Variants in SLC8B1 observed in about 807,000 individuals in gnomAD.
SLC8B1 encodes the protein mitochondrial sodium/calcium exchanger protein.
In SLC8B1, 52 loss-of-function variants were observed where a neutral mutation model predicts 63.4. That is an observed-to-expected ratio of 0.82 (90% CI 0.66 to 1.03). The LOEUF is 1.03. SLC8B1 is among the 50% of genes least tolerant of loss of function. The probability of loss-of-function intolerance (pLI) is 0.00; values close to 1 mark genes in which losing one functional copy is unlikely to be tolerated. For synonymous variants in SLC8B1, 336 were observed against 323.9 expected, an observed-to-expected ratio of 1.04 and a Z score of -0.40; for missense variants, 657 against 741.7, an observed-to-expected ratio of 0.89 and a Z score of 1.33.
intron 2 of SLC8B1, among the ~76,000 whole-genome samples, chr12:113,324,698 C>T (rs1369448623): frequency 2.7e-5 from 4 of 150,536 alleles, no homozygotes; most frequent in East Asian, 2.0e-4. Flanking sequence ...TGAGCCACTG[C>T]GCCCAGCCCC....
rs377404162 is a variant in SLC8B1 at position 113,312,199 on chromosome 12, T to C, written c.1136-1844A>G. On this transcript the variant is annotated intron_variant, in intron 11 of 15. Transcript: ENST00000680972. ...CTATAATCCCAGCACTTTGGGAGGC[T>C]GAGGCAGGAGGATCGCCTGAGGTCA... Among the ~76,000 whole-genome samples the C allele has an allele frequency of 5.3e-3, 802 of 152,160 alleles. 9 individuals carry two copies. The highest frequency in any genetic ancestry group is 0.018 in the African/African-American group (761 of 41,518).
chr12:113,320,153 G>T lies in SLC8B1; in HGVS notation c.694+178C>A. On this transcript the variant is annotated intron_variant, in intron 7 of 15. Coordinates refer to ENST00000680972, the MANE Select transcript of SLC8B1 (RefSeq NM_001358345.2). The surrounding 1 kb of genome is among the most constrained non-coding windows in gnomAD (Gnocchi z 5.3). ...GCCCCCAGCTCTGCCAGGCCTCTTT[G>T]GTTATGTGACCCACATGTTCCCATT... 1 of 721,798 alleles carries T rather than the reference G, an allele frequency of 1.4e-6. No individual in the cohort carries two copies. Among genetic ancestry groups the T allele is most frequent in the Non-Finnish European group, 2.2e-6 (1 of 445,724 alleles). 44.7% of individuals were successfully genotyped at this position (721,798 alleles called of 1,614,324 possible). A position where few individuals can be genotyped will look rare whatever the true frequency, so the allele number is the denominator to read the frequency against.
intron 7 of SLC8B1, 192 bp from the exon 8 acceptor site, chr12:113,319,263 CT>C: frequency 1.8e-6 from 1 of 557,906 alleles, no homozygotes; most frequent in Non-Finnish European, 3.3e-6. Flanking sequence ...ATCTCCCTTC[CT>C]GTCTCCCTTG....
intron 2 of SLC8B1, among the ~76,000 whole-genome samples, chr12:113,326,347 TTTC>T (rs1398919525): frequency 1.3e-5 from 2 of 152,158 alleles, no homozygotes; most frequent in African/African-American, 4.8e-5. Flanking sequence ...CTATTCTTTC[TTTC>T]TTTTCTTTTT....
intron 13 of SLC8B1, 82 bp from the exon 14 acceptor site, chr12:113,306,657 C>T (rs576265231): frequency 1.2e-5 from 14 of 1,184,686 alleles, no homozygotes; most frequent in South Asian, 5.1e-5. Flanking sequence ...TTCTCACCCA[C>T]GGTCATTCAG....
chr12:113,315,197 G>T, intron 11 of SLC8B1, 138 bp downstream of exon 11: 1 of 867,326 alleles, frequency 1.2e-6, no homozygotes, highest in Non-Finnish European at 1.6e-6. Context: ...TAGATGGGAT[G>T]ATTGCTTGAA....
intron 8 of SLC8B1, 92 bp downstream of exon 8, chr12:113,318,872 A>G (rs1310979582): frequency 7.5e-6 from 7 of 930,438 alleles, no homozygotes; most frequent in Non-Finnish European, 1.2e-5. Context: ...CTTGGTGGGG[A>G]CAATGGCCTC....
intron 2 of SLC8B1, 118 bp from the exon 3 acceptor site, chr12:113,321,466 C>T (rs958103688): frequency 3.9e-5 from 50 of 1,280,168 alleles, no homozygotes; most frequent in Non-Finnish European, 5.5e-5. Flanking sequence ...GCCACCATAC[C>T]CTCTGGGTGC....
At chr12:113,329,144 G>A (rs138951792) in intron 2 of SLC8B1, among the ~76,000 whole-genome samples, 3 of 152,274 alleles carry the variant, frequency 2.0e-5, no homozygotes, top group South Asian at 2.1e-4. Flanking sequence ...GCTGCACACC[G>A]TGCTGGGCAT....
chr12:113,303,141 A>ACACACACACGCG (rs773636454), intron 15 of SLC8B1, among the ~76,000 whole-genome samples: 184 of 145,744 alleles, frequency 1.3e-3, no homozygotes, highest in African/African-American at 3.0e-3. Flanking sequence ...ACACACACAC[A>ACACACACACGCG]CGCGCGCGCA....
chr12:113,327,707 G>A (rs1203218064), intron 2 of SLC8B1, among the ~76,000 whole-genome samples: 2 of 151,324 alleles, frequency 1.3e-5, no homozygotes, highest in Non-Finnish European at 2.9e-5. Context: ...AATAGGCTGG[G>A]CGCGGTGGGT....
chr12:113,321,467 C>CAGAGGG, intron 2 of SLC8B1, 119 bp from the exon 3 acceptor site: 3 of 1,284,036 alleles, frequency 2.3e-6, no homozygotes, highest in Non-Finnish European at 2.2e-6. Context: ...CCACCATACC[C>CAGAGGG]TCTGGGTGCC....
chr12:113,307,222 A>T (rs1487185292), intron 13 of SLC8B1, among the ~76,000 whole-genome samples: 2 of 149,948 alleles, frequency 1.3e-5, no homozygotes, highest in African/African-American at 4.9e-5. Context: ...AATAAGAAGA[A>T]GGTGCTCAAA....
intron 1 of SLC8B1, among the ~76,000 whole-genome samples, chr12:113,333,645 G>C (rs1298705022): frequency 6.6e-6 from 1 of 152,076 alleles, no homozygotes; most frequent in Non-Finnish European, 1.5e-5. Flanking sequence ...TTCTGGAAAT[G>C]TCACCCCCCC....
At chr12:113,300,384 G>A (rs546947996) in intron 15 of SLC8B1, among the ~76,000 whole-genome samples, 1 of 152,254 alleles carries the variant, frequency 6.6e-6, no homozygotes, top group African/African-American at 2.4e-5. Flanking sequence ...TGGGGAGGCT[G>A]AGGCAGGAGA....
chr12:113,319,640 C>T (rs911626519), intron 7 of SLC8B1, among the ~76,000 whole-genome samples: 1 of 152,122 alleles, frequency 6.6e-6, no homozygotes, highest in African/African-American at 2.4e-5. Context: ...TCTCGAATCT[C>T]GGTTTCCCTT....
intron 4 of SLC8B1, 52 bp downstream of exon 4, chr12:113,321,004 G>A: frequency 6.3e-7 from 1 of 1,596,780 alleles, no homozygotes; most frequent in East Asian, 2.3e-5. Context: ...TCAGCCTCCT[G>A]GGACCCCTCC....
At chr12:113,308,000 G>T in intron 12 of SLC8B1, 156 bp from the exon 13 acceptor site, 1 of 829,930 alleles carries the variant, frequency 1.2e-6, no homozygotes, top group Non-Finnish European at 1.8e-6. Context: ...CCTGTGCAAA[G>T]TTAGTGCTCA....
At chr12:113,323,805 C>A (rs1956961100) in intron 2 of SLC8B1, among the ~76,000 whole-genome samples, 2 of 152,166 alleles carry the variant, frequency 1.3e-5, no homozygotes, top group African/African-American at 4.8e-5. Flanking sequence ...CACAGTTCCA[C>A]CTCCTCCACA....
Sources: allele counts gnomAD v4.1 joint callset (sites outside exome capture counted in the v4.1 genomes callset), GRCh38; gene constraint gnomAD v4.1.1; non-coding constraint Gnocchi (gnomAD v3.1); transcripts MANE v1.5; gene names NCBI Gene and HGNC (gene_info 2026-07-23, HGNC 2026-07-21).